Variants in EYA3 observed in about 807,000 individuals in gnomAD.
The protein encoded by EYA3 is protein phosphatase EYA3.
A neutral mutation model predicts 80.0 loss-of-function variants in EYA3; 39 were observed. The observed-to-expected ratio is 0.49, with a 90% CI of 0.38 to 0.64. The LOEUF (loss-of-function observed/expected upper bound fraction) is 0.64. Among genes scored for constraint, EYA3 ranks in the 30% least tolerant of loss-of-function variants. EYA3 has a pLI of 0.00. For missense variants in EYA3, 523 were observed against 676.1 expected (o/e 0.77, Z 2.51); for synonymous variants, 206 against 232.8 (o/e 0.88, Z 1.05).
chr1:28,019,714 T>C (rs1034436131), intron 7 of EYA3, among the ~76,000 whole-genome samples: 3 of 151,670 alleles, frequency 2.0e-5, no homozygotes, highest in African/African-American at 7.3e-5. Flanking sequence ...CCTTTTTTTC[T>C]TTTTTTTGAG....
rs555203820 is a variant in EYA3, at chr1:28,023,020, T to A, written c.499+4769A>T. 6.7e-5 allele frequency among the ~76,000 whole-genome samples: 10 copies of A among 148,914 alleles called. No individual in the cohort carries two copies. In the South Asian group the frequency reaches 2.1e-3, roughly 31 times the overall value. ...AAAATGGTTGATAATAGGACTTGAA[T>A]AAGTAATATACAAGATGAGCCTGGA... On this transcript the variant is annotated intron_variant, in intron 7 of 17. Coordinates refer to ENST00000373871, the MANE Select transcript of EYA3 (RefSeq NM_001990.4).
chr1:28,068,899 T>C (rs949940618), intron 1 of EYA3, among the ~76,000 whole-genome samples: 2 of 152,080 alleles, frequency 1.3e-5, no homozygotes, highest in Non-Finnish European at 2.9e-5. Context: ...CTCCGCCTCC[T>C]GGGTTCAAGC....
chr1:28,028,678 T>C (rs939819948), intron 6 of EYA3, among the ~76,000 whole-genome samples: 2 of 151,576 alleles, frequency 1.3e-5, no homozygotes, highest in African/African-American at 2.4e-5. Flanking sequence ...CAGCCTCCTT[T>C]AGTGCTGGGA....
intron 10 of EYA3, among the ~76,000 whole-genome samples, chr1:28,006,933 TC>T (rs542221445): frequency 1.6e-5 from 2 of 121,660 alleles, no homozygotes; most frequent in Admixed American, 8.6e-5. Context: ...GATGACATAA[TC>T]TTTTTTTTTT....
intron 16 of EYA3, among the ~76,000 whole-genome samples, chr1:27,984,604 A>G (rs879329861): frequency 6.6e-6 from 1 of 152,190 alleles, no homozygotes; most frequent in Non-Finnish European, 1.5e-5. Flanking sequence ...TCTTAGCACC[A>G]CTGATCGAAG....
chr1:28,086,924 C>T (rs575962204), intron 1 of EYA3, among the ~76,000 whole-genome samples: 1 of 152,324 alleles, frequency 6.6e-6, no homozygotes, highest in South Asian at 2.1e-4. Flanking sequence ...TTGCTAAAAA[C>T]AGCTGAAGAG....
At chr1:27,975,568 C>T (rs1253346651) in intron 17 of EYA3, among the ~76,000 whole-genome samples, 1 of 150,912 alleles carries the variant, frequency 6.6e-6, no homozygotes, top group Non-Finnish European at 1.5e-5. Flanking sequence ...TCACTGCAAG[C>T]TCCGCCTCCC....
chr1:28,058,107 A>G lies in EYA3; in HGVS notation c.-68-13T>C. 1 of 1,204,774 alleles carries G rather than the reference A, an allele frequency of 8.3e-7. No individual in the cohort carries two copies. The highest frequency in any genetic ancestry group is 1.2e-6 in the Non-Finnish European group (1 of 855,994). The allele number at this position is 1,204,774 out of a possible 1,614,324, so 74.6% of individuals were successfully genotyped here. A position where few individuals can be genotyped will look rare whatever the true frequency, so the allele number is the denominator to read the frequency against. Reference sequence around the variant, plus strand: ...CAGTTTTCACAATCTGTTTTTAAAAAGGAGGATTCAAAGCTTTATACACTC... The same window carrying G: ...CAGTTTTCACAATCTGTTTTTAAAAGGGAGGATTCAAAGCTTTATACACTC... On this transcript the variant is annotated splice_polypyrimidine_tract_variant and intron_variant, in intron 1 of 17. Coordinates refer to ENST00000373871, the MANE Select transcript of EYA3 (RefSeq NM_001990.4).
chr1:28,014,004 A>G (rs868366263), intron 8 of EYA3, among the ~76,000 whole-genome samples: 1 of 152,178 alleles, frequency 6.6e-6, no homozygotes, highest in Middle Eastern at 3.2e-3. Flanking sequence ...CGGAGGTTGC[A>G]GTGAGCCGAG....
chr1:28,010,685 A>G (rs1641630144), intron 10 of EYA3: 1 of 356,290 alleles, frequency 2.8e-6, no homozygotes, highest in Non-Finnish European at 5.1e-6. Context: ...TAAAATTTTA[A>G]ATAGAGAACA....
At chr1:28,055,774 C>A in intron 2 of EYA3, among the ~76,000 whole-genome samples, 1 of 152,008 alleles carries the variant, frequency 6.6e-6, no homozygotes, top group East Asian at 1.9e-4. Context: ...TCCAGCCGAT[C>A]TGAACAAAAT....
intron 16 of EYA3, among the ~76,000 whole-genome samples, chr1:27,980,173 TC>T (rs1639203266): frequency 6.6e-6 from 1 of 152,246 alleles, no homozygotes; most frequent in African/African-American, 2.4e-5. Context: ...CACAAATGAT[TC>T]AGTGGAGGAC....
At chr1:28,061,550 CTTAGTA>C (rs780152853) in intron 1 of EYA3, among the ~76,000 whole-genome samples, 2 of 150,982 alleles carry the variant, frequency 1.3e-5, no homozygotes, top group Non-Finnish European at 2.9e-5. Flanking sequence ...CTGTAAAAAT[CTTAGTA>C]TTAGTTTCCT....
chr1:28,020,874 G>A (rs182808721), intron 7 of EYA3, among the ~76,000 whole-genome samples: 12 of 152,096 alleles, frequency 7.9e-5, no homozygotes, highest in Non-Finnish European at 1.2e-4. Context: ...TAATGGCATG[G>A]TCAACTGTTT....
At chr1:27,998,412 A>T in intron 12 of EYA3, 1 of 606,578 alleles carries the variant, frequency 1.6e-6, no homozygotes, top group Non-Finnish European at 2.1e-6. Context: ...GTTTTCAATA[A>T]ATGTTTGCTG....
At chr1:28,015,376 C>A (rs529868565) in intron 8 of EYA3, among the ~76,000 whole-genome samples, 1 of 152,132 alleles carries the variant, frequency 6.6e-6, no homozygotes, top group African/African-American at 2.4e-5. Flanking sequence ...AGCCTGTGGG[C>A]TAGGGAATAG....
intron 10 of EYA3, 183 bp downstream of exon 10, chr1:28,010,758 TGGAATA>T (rs1641636316): frequency 1.7e-6 from 1 of 583,826 alleles, no homozygotes. Context: ...TGTTCTCTTC[TGGAATA>T]TACAGAATAA....
chr1:28,059,715 AT>A (rs1224157714), intron 1 of EYA3, among the ~76,000 whole-genome samples: 6,373 of 113,560 alleles, frequency 0.056, 146 homozygotes, highest in African/African-American at 0.076. Context: ...CATTTGTTGG[AT>A]TTTTTTTTTT....
chr1:28,086,246 C>G (rs1475495485), intron 1 of EYA3, among the ~76,000 whole-genome samples: 1 of 150,636 alleles, frequency 6.6e-6, no homozygotes, highest in Non-Finnish European at 1.5e-5. Context: ...AAGAGAGTCT[C>G]ACTCTGTTGC....
Sources: allele counts gnomAD v4.1 joint callset (sites outside exome capture counted in the v4.1 genomes callset), GRCh38; gene constraint gnomAD v4.1.1; transcripts MANE v1.5; gene names NCBI Gene and HGNC (gene_info 2026-07-23, HGNC 2026-07-21).